The following RPS16 variants were observed in gnomAD, a reference collection of about 807,000 sequenced individuals.
The protein encoded by RPS16 is small ribosomal subunit protein uS9.
A neutral mutation model predicts 20.1 loss-of-function variants in RPS16; 2 were observed. That is an observed-to-expected ratio of 0.10 (90% CI 0.04 to 0.31). The LOEUF (loss-of-function observed/expected upper bound fraction) is 0.31, where lower values mean the gene tolerates loss of function less well. RPS16 is among the 10% of genes least tolerant of loss of function. RPS16 has a pLI of 1.00. For missense variants in RPS16, 129 were observed against 198.6 expected (o/e 0.65, Z 2.11); for synonymous variants, 95 against 76.1 (o/e 1.25, Z -1.29).
rs899123875 is a variant in RPS16 at position 39,435,948 on chromosome 19, G to C, written c.-53C>G. ...ACCGCGCGGCGCCGCAACCGGAAAAGGAAAGCTAGGGGCCACCCTGGCCGC... is the reference window on the plus strand; with the variant it reads ...ACCGCGCGGCGCCGCAACCGGAAAACGAAAGCTAGGGGCCACCCTGGCCGC... On this transcript the variant is annotated 5_prime_UTR_variant, in exon 1 of 5. Coordinates refer to ENST00000251453, the MANE Select transcript of RPS16 (RefSeq NM_001020.6). 6.2e-6 allele frequency: 10 copies of C among 1,600,460 alleles called. No homozygotes were observed. The highest frequency in any genetic ancestry group is 5.0e-5 in the Admixed American group (3 of 59,942).
intron 2 of RPS16, chr19:39,434,803 G>C (rs530733298): frequency 5.9e-5 from 9 of 152,286 alleles, no homozygotes; most frequent in Admixed American, 3.3e-4. Context: ...GTGACAGCAA[G>C]ATACTGTTTT....
chr19:39,435,723 A>T lies in RPS16; in HGVS notation c.49-15T>A, dbSNP rs1383955572. 6.2e-7 allele frequency: 1 copy of T among 1,612,682 alleles called. No individual in the cohort carries two copies. The highest frequency in any genetic ancestry group is 1.7e-5 in the Admixed American group (1 of 60,020). ...GTCGCTGTCTTCTGTAAGATACAAG[A>T]GAAACAGGGGCCCCGTGAGCTCCGG... On this transcript the variant is annotated splice_polypyrimidine_tract_variant and intron_variant, in intron 1 of 4. Coordinates refer to ENST00000251453, the MANE Select transcript of RPS16 (RefSeq NM_001020.6).
chr19:39,435,493 C>G, intron 2 of RPS16, 114 bp downstream of exon 2: 1 of 807,314 alleles, frequency 1.2e-6, no homozygotes, highest in Non-Finnish European at 2.0e-6. Context: ...CTACACCCAA[C>G]ACAACTTCTA....
rs757415922 is a variant in RPS16 at position 39,435,688 on chromosome 19, C to A, written c.69G>T (p.Ala23=). Residue 23 remains alanine (A), a synonymous_variant, in exon 2 of 5, where the codon GCG becomes GCT. Coordinates refer to ENST00000251453, the MANE Select transcript of RPS16 (RefSeq NM_001020.6). ...FGRKKTATAV[A]HCKRGNGLIK... ...TGAGACCATTGCCGCGTTTGCAGTG[C>A]GCCACAGCTGTCGCTGTCTTCTGTA... The A allele has an allele frequency of 1.9e-6, 3 of 1,613,756 alleles. No individual in the cohort carries two copies. The highest frequency in any genetic ancestry group is 2.5e-6 in the Non-Finnish European group (3 of 1,180,020).
intron 2 of RPS16, 115 bp downstream of exon 2, chr19:39,435,492 A>G: frequency 2.5e-6 from 2 of 797,674 alleles, no homozygotes; most frequent in East Asian, 2.7e-5. Context: ...TCTACACCCA[A>G]CACAACTTCT....
intron 2 of RPS16, chr19:39,434,952 G>C (rs1293827980): frequency 6.6e-6 from 1 of 152,172 alleles, no homozygotes; most frequent in Non-Finnish European, 1.5e-5. Context: ...CAAAGAAATT[G>C]AGAGTCCCAA....
At chr19:39,433,859 C>G in intron 2 of RPS16, 98 bp from the exon 3 acceptor site, 1 of 1,114,162 alleles carries the variant, frequency 9.0e-7, no homozygotes, top group South Asian at 1.4e-5. Flanking sequence ...CCACCACTGG[C>G]CTTCAAGTAC....
chr19:39,435,798 G>T, intron 1 of RPS16, 50 bp downstream of exon 1: 1 of 1,608,750 alleles, frequency 6.2e-7, no homozygotes. Context: ...ACCTCTCCCA[G>T]ACCCTGGCCT....
rs368624850 is a variant in RPS16, at chr19:39,435,560, C to T, written c.150+47G>A. ...CTTTCAAGAGCTACAACATCTCTGT[C>T]TCCAAGAGTCCTCCATCCACTCAAC... On this transcript the variant is annotated intron_variant, in intron 2 of 4. Transcript: ENST00000251453. 3 of 1,510,048 alleles carry T rather than the reference C, an allele frequency of 2.0e-6. No homozygotes were observed. The African/African-American group carries it at 4.1e-5, about 21-fold the overall frequency. 93.5% of individuals were successfully genotyped at this position (1,510,048 alleles called of 1,614,324 possible). A position where few individuals can be genotyped will look rare whatever the true frequency, so the allele number is the denominator to read the frequency against.
At position 39,433,658 on chromosome 19, in the gene RPS16, G is replaced by A. The variant is rs986154375; in HGVS notation, c.247+7C>T. On this transcript the variant is annotated splice_region_variant and intron_variant, in intron 3 of 4. Transcript: ENST00000251453. ...CCTCCTCCATGCGCCCAGTTCCTGG[G>A]ACTCACCATAAATCTGGGCCACGTG... 1 of 1,614,044 alleles carries A rather than the reference G, an allele frequency of 6.2e-7. No homozygotes were observed. The highest frequency in any genetic ancestry group is 8.5e-7 in the Non-Finnish European group (1 of 1,180,036).
chr19:39,435,749 C>A (rs762055894), intron 1 of RPS16, 41 bp from the exon 2 acceptor site: 3 of 1,608,370 alleles, frequency 1.9e-6, no homozygotes. Flanking sequence ...TGAGCTCCGG[C>A]TCCAGCTCCC....
At chr19:39,435,326 T>C (rs1195503586) in intron 2 of RPS16, 1 of 416,038 alleles carries the variant, frequency 2.4e-6, no homozygotes, top group Non-Finnish European at 4.3e-6. Flanking sequence ...TAAAAAATAG[T>C]CGGTGTCCCT....
At position 39,434,077 on chromosome 19, in the gene RPS16, G is replaced by A. The variant is rs8111779; in HGVS notation, c.151-316C>T. The A allele has an allele frequency of 7.1e-3, 2,580 of 364,658 alleles. 24 individuals are homozygous for A. Among genetic ancestry groups the A allele is most frequent in the Non-Finnish European group, 8.3e-3 (1,579 of 190,286 alleles). The allele number at this position is 364,658 out of a possible 1,614,324, so 22.6% of individuals were successfully genotyped here. A position where few individuals can be genotyped will look rare whatever the true frequency, so the allele number is the denominator to read the frequency against. On this transcript the variant is annotated intron_variant, in intron 2 of 4. Coordinates refer to ENST00000251453, the MANE Select transcript of RPS16 (RefSeq NM_001020.6). Reference sequence around the variant, plus strand: ...AGACTGGTTCTTAGAAGGCTGAACAGTAAGGAGCATTCCAATAGCTTCTGA... The same window carrying A: ...AGACTGGTTCTTAGAAGGCTGAACAATAAGGAGCATTCCAATAGCTTCTGA...
rs564071684 is a variant in RPS16 at position 39,435,830 on chromosome 19, A to C, written c.48+18T>G. ...GCCTTCTCCTTCCCCTCCCCTTCCC[A>C]TCCGGCGTCTGGCTCACCTTGCGTC... On this transcript the variant is annotated intron_variant, in intron 1 of 4. Transcript: ENST00000251453. 8.8e-5 allele frequency: 141 copies of C among 1,610,376 alleles called. 2 individuals are homozygous for C. The South Asian group carries it at 1.5e-3, about 17-fold the overall frequency.
chr19:39,433,348 A>G lies in RPS16; in HGVS notation c.366T>C (p.Ala122=). Reference sequence around the variant, plus strand: ...TTTTGGACTCGCAGCGACGAGGGTCAGCTACCAGCAGGGTCCGGTCATACT... The same window carrying G: ...TTTTGGACTCGCAGCGACGAGGGTCGGCTACCAGCAGGGTCCGGTCATACT... The part of the protein sequence containing the change: ...LIQYDRTLLV[A]DPRRCESKKF... The change falls in exon 5 of 5, where the codon GCT becomes GCC. Residue 122 remains alanine, a synonymous_variant. Coordinates refer to ENST00000251453, the MANE Select transcript of RPS16 (RefSeq NM_001020.6). 6 of 1,614,160 alleles carry G rather than the reference A, an allele frequency of 3.7e-6. No individual in the cohort carries two copies. The highest frequency in any genetic ancestry group is 5.1e-6 in the Non-Finnish European group (6 of 1,180,022).
chr19:39,433,596 G>A (rs919783505), intron 3 of RPS16, 27 bp from the exon 4 acceptor site: 2 of 1,614,160 alleles, frequency 1.2e-6, no homozygotes, highest in Non-Finnish European at 1.7e-6. Flanking sequence ...CAATTAAAGG[G>A]TACAGGAGCG....
At chr19:39,433,956 GAAGTGGTGTTAAGA>G (rs2078845425) in intron 2 of RPS16, 195 bp from the exon 3 acceptor site, 2 of 582,910 alleles carry the variant, frequency 3.4e-6, no homozygotes, top group Non-Finnish European at 3.0e-6. Flanking sequence ...TGAGACTGCT[GAAGTGGTGTTAAGA>G]AATATAGGCA....
intron 2 of RPS16, chr19:39,434,075 C>T: frequency 5.4e-6 from 2 of 367,118 alleles, no homozygotes; most frequent in Non-Finnish European, 1.0e-5. Flanking sequence ...GAAGGCTGAA[C>T]AGTAAGGAGC....
Position 39,435,717 on chromosome 19 carries a change from T to C in RPS16, c.49-9A>G, listed in dbSNP as rs2078858394. 2 of 1,613,038 alleles carry C rather than the reference T, an allele frequency of 1.2e-6. No homozygotes were observed. The highest frequency in any genetic ancestry group is 2.2e-5 in the East Asian group (1 of 44,898). On this transcript the variant is annotated splice_polypyrimidine_tract_variant and intron_variant, in intron 1 of 4. Transcript: ENST00000251453. ...ACAGCTGTCGCTGTCTTCTGTAAGA[T>C]ACAAGAGAAACAGGGGCCCCGTGAG...
Sources: gnomAD v4.1 joint callset for allele counts on GRCh38, gnomAD v4.1.1 for gene constraint, MANE v1.5 for transcripts, NCBI Gene and HGNC (gene_info 2026-07-23, HGNC 2026-07-21) for gene names.